The following NUP37 variants were observed in gnomAD, a reference collection of about 807,000 sequenced individuals.
The protein encoded by NUP37 is nucleoporin Nup37.
Under a neutral mutation model 45.4 loss-of-function variants are expected in NUP37, and 33 were observed. That is an observed-to-expected ratio of 0.73 (90% CI 0.55 to 0.97). The LOEUF (loss-of-function observed/expected upper bound fraction) is 0.97, where lower values mean the gene tolerates loss of function less well. Among genes scored for constraint, NUP37 ranks in the 50% least tolerant of loss-of-function variants. The pLI, the probability that NUP37 is intolerant of heterozygous loss-of-function variation, is 0.00. For missense variants in NUP37, 365 were observed against 389.7 expected, an observed-to-expected ratio of 0.94 and a Z score of 0.53; for synonymous variants, 127 against 130.7, an observed-to-expected ratio of 0.97 and a Z score of 0.19.
chr12:102,110,358 G>T (rs565928974), intron 3 of NUP37, among the ~76,000 whole-genome samples: 2 of 151,552 alleles, frequency 1.3e-5, no homozygotes, highest in East Asian at 3.9e-4. Flanking sequence ...AAAATTAGCC[G>T]GGAGTGGTGG....
At chr12:102,077,014 A>G (rs1594382741) in intron 7 of NUP37, 167 bp from the exon 8 acceptor site, 1 of 624,432 alleles carries the variant, frequency 1.6e-6, no homozygotes, top group East Asian at 2.7e-5. Flanking sequence ...CAATAAAGAC[A>G]TGACTTAGAA....
At chr12:102,092,269 T>C (rs1007811804) in intron 5 of NUP37, among the ~76,000 whole-genome samples, 3 of 152,236 alleles carry the variant, frequency 2.0e-5, no homozygotes, top group African/African-American at 7.2e-5. Flanking sequence ...TGTATCCATT[T>C]GGCCCTAACT....
At chr12:102,097,997 A>C (rs1879856572) in intron 5 of NUP37, among the ~76,000 whole-genome samples, 1 of 152,236 alleles carries the variant, frequency 6.6e-6, no homozygotes, top group Non-Finnish European at 1.5e-5. Flanking sequence ...TTCTAATGTG[A>C]AGTCATACAT....
Position 102,095,347 on chromosome 12 carries a change from C to T in NUP37, c.449+3759G>A, listed in dbSNP as rs186106530. Among the ~76,000 whole-genome samples, 18 of 152,104 alleles carry T rather than the reference C, an allele frequency of 1.2e-4. 1 individual carries two copies. The highest frequency in any genetic ancestry group is 2.0e-4 in the Admixed American group (3 of 15,272). Reference sequence around the variant, plus strand: ...AATGACACTAGGTCATAACTATGAACGTATTTATATTTTTCTGTGCATATG... The same window carrying T: ...AATGACACTAGGTCATAACTATGAATGTATTTATATTTTTCTGTGCATATG... On this transcript the variant is annotated intron_variant, in intron 5 of 9. Transcript: ENST00000552283.
intron 5 of NUP37, among the ~76,000 whole-genome samples, chr12:102,094,539 G>A (rs139220175): frequency 1.1e-4 from 17 of 152,102 alleles, no homozygotes; most frequent in Non-Finnish European, 2.4e-4. Context: ...TCTTAATTAT[G>A]GATCTTAAAG....
intron 4 of NUP37, among the ~76,000 whole-genome samples, chr12:102,099,455 A>AAC (rs3841628): frequency 5.3e-4 from 80 of 151,524 alleles, no homozygotes; most frequent in South Asian, 3.5e-3. Flanking sequence ...TTCTTACAAA[A>AAC]ACACACACAC....
rs560564287 is a variant in NUP37, at chr12:102,090,016, A to G, written c.450-4160T>C. On this transcript the variant is annotated intron_variant, in intron 5 of 9. Coordinates refer to ENST00000552283, the MANE Select transcript of NUP37 (RefSeq NM_024057.4). ...CCTAGGCATGGAATTGCTGGATCAC[A>G]GCTTACAAATATATTCAACTTTAGC... Among the ~76,000 whole-genome samples, 448 of 152,300 alleles carry G rather than the reference A, an allele frequency of 2.9e-3. 4 individuals are homozygous for G. Among genetic ancestry groups the G allele is most frequent in the African/African-American group, 9.9e-3 (412 of 41,548 alleles).
intron 6 of NUP37, 85 bp from the exon 7 acceptor site, chr12:102,077,588 G>A (rs758664689): frequency 2.9e-5 from 37 of 1,288,838 alleles, no homozygotes; most frequent in East Asian, 1.9e-4. Context: ...ACTGTTGTAC[G>A]GTAAAATGTA....
At chr12:102,092,823 G>C (rs1444797164) in intron 5 of NUP37, among the ~76,000 whole-genome samples, 2 of 152,140 alleles carry the variant, frequency 1.3e-5, no homozygotes, top group Non-Finnish European at 2.9e-5. Flanking sequence ...CTAGGCAAAA[G>C]CCTTAAAGGT....
intron 8 of NUP37, among the ~76,000 whole-genome samples, chr12:102,075,498 T>C (rs1282085192): frequency 1.3e-5 from 2 of 152,176 alleles, no homozygotes; most frequent in East Asian, 1.9e-4. Flanking sequence ...AGGTTTCTTT[T>C]TGTATAAAAC....
At chr12:102,114,411 G>A (rs569639591) in intron 2 of NUP37, among the ~76,000 whole-genome samples, 55 of 152,298 alleles carry the variant, frequency 3.6e-4, no homozygotes, top group Non-Finnish European at 6.3e-4. Flanking sequence ...TTTCCTGGCA[G>A]CACTGTTTGC....
chr12:102,092,260 G>GT (rs1436539810), intron 5 of NUP37, among the ~76,000 whole-genome samples: 3 of 152,164 alleles, frequency 2.0e-5, no homozygotes, highest in Non-Finnish European at 4.4e-5. Context: ...TGACACATCT[G>GT]TATCCATTTG....
chr12:102,099,004 T>C, intron 5 of NUP37, 102 bp downstream of exon 5: 1 of 806,302 alleles, frequency 1.2e-6, no homozygotes, highest in Non-Finnish European at 2.1e-6. Context: ...TACAACACTC[T>C]ATAGAATTTA....
Position 102,103,450 on chromosome 12 carries a change from T to C in NUP37, c.282-2346A>G, listed in dbSNP as rs78000058. Among the ~76,000 whole-genome samples, 909 of 152,330 alleles carry C rather than the reference T, an allele frequency of 6.0e-3. 7 individuals carry two copies. Among genetic ancestry groups the C allele is most frequent in the African/African-American group, 0.019 (801 of 41,586 alleles). ...GAATGTTGATTTGTATCATGCAACC[T>C]TACTGAATTCACTAATCAGTTCTAA... On this transcript the variant is annotated intron_variant, in intron 3 of 9. Coordinates refer to ENST00000552283, the MANE Select transcript of NUP37 (RefSeq NM_024057.4).
intron 3 of NUP37, among the ~76,000 whole-genome samples, chr12:102,108,556 T>C (rs1387368358): frequency 6.6e-6 from 1 of 152,202 alleles, no homozygotes; most frequent in Non-Finnish European, 1.5e-5. Flanking sequence ...CTCCCCTTCA[T>C]ATATACATCT....
chr12:102,096,667 CAT>C (rs1357130998), intron 5 of NUP37, among the ~76,000 whole-genome samples: 1 of 152,156 alleles, frequency 6.6e-6, no homozygotes, highest in African/African-American at 2.4e-5. Flanking sequence ...TCTCTTGTCA[CAT>C]ATGTGATAAT....
At chr12:102,080,061 CTG>C (rs1393472943) in intron 6 of NUP37, among the ~76,000 whole-genome samples, 1 of 152,148 alleles carries the variant, frequency 6.6e-6, no homozygotes, top group Non-Finnish European at 1.5e-5. Flanking sequence ...ACACAAAACA[CTG>C]TATTAATTCC....
chr12:102,086,281 G>A (rs1879469848), intron 5 of NUP37, among the ~76,000 whole-genome samples: 1 of 152,106 alleles, frequency 6.6e-6, no homozygotes, highest in South Asian at 2.1e-4. Flanking sequence ...TGCAAGCCGA[G>A]TATTTTTATT....
chr12:102,089,715 C>A (rs968087327), intron 5 of NUP37, among the ~76,000 whole-genome samples: 2 of 147,462 alleles, frequency 1.4e-5, no homozygotes, highest in Non-Finnish European at 3.0e-5. Context: ...ACTTCCCAGA[C>A]GAGGCGGCCG....
Sources: allele counts gnomAD v4.1 joint callset (sites outside exome capture counted in the v4.1 genomes callset), GRCh38; gene constraint gnomAD v4.1.1; transcripts MANE v1.5; gene names NCBI Gene and HGNC (gene_info 2026-07-23, HGNC 2026-07-21).